Variants in CD151 observed in about 807,000 individuals in gnomAD.
CD151 encodes the protein CD151 molecule (Raph blood group).
Under a neutral mutation model 34.2 loss-of-function variants are expected in CD151, and 20 were observed. That is an observed-to-expected ratio of 0.58 (90% CI 0.41 to 0.85). CD151 has a LOEUF of 0.85. Among genes scored for constraint, CD151 ranks in the 40% least tolerant of loss-of-function variants. The probability of loss-of-function intolerance (pLI) is 0.00; values close to 1 mark genes in which losing one functional copy is unlikely to be tolerated. For synonymous variants in CD151, 157 were observed against 131.7 expected, an observed-to-expected ratio of 1.19 and a Z score of -1.32; for missense variants, 306 against 324.5, an observed-to-expected ratio of 0.94 and a Z score of 0.44.
chr11:833,828 G>T (rs28454516), intron 1 of CD151, among the ~76,000 whole-genome samples: 1 of 118,366 alleles, frequency 8.4e-6, no homozygotes, highest in Non-Finnish European at 1.8e-5. Context: ...CCCGCCCCCC[G>T]GTGGCAGACA....
chr11:836,847 A>G lies in CD151; in HGVS notation c.351+4A>G. 2 of 1,612,258 alleles carry G rather than the reference A, an allele frequency of 1.2e-6. No individual in the cohort carries two copies. The highest frequency in any genetic ancestry group is 1.7e-6 in the Non-Finnish European group (2 of 1,179,528). On this transcript the variant is annotated splice_donor_region_variant and intron_variant, in intron 5 of 8. Transcript: ENST00000397420. ...CGCCTACGCCTACTACCAGCAGGTG[A>G]GGGGCCTGGGCAGGCCATTCAGAGA...
intron 7 of CD151, 97 bp from the exon 8 acceptor site, chr11:837,845 A>G (rs887286741): frequency 2.0e-5 from 20 of 982,232 alleles, no homozygotes; most frequent in Admixed American, 4.4e-5. Flanking sequence ...CCTAGGTGCT[A>G]GGGGTGGGTT....
chr11:833,317 G>C (rs1222744019), intron 1 of CD151, among the ~76,000 whole-genome samples: 1 of 152,164 alleles, frequency 6.6e-6, no homozygotes, highest in Non-Finnish European at 1.5e-5. Flanking sequence ...CCGGCCTGAC[G>C]GCCCCCTTCA....
rs28475448 is a variant in CD151 at position 836,023 on chromosome 11, C to T, written c.-7-40C>T. ...CCTATCCGTCTCCCAGTCAGGGGCC[C>T]GGTGCTGTGGCCCCGCTGACCCCTC... On this transcript the variant is annotated intron_variant, in intron 2 of 8. Coordinates refer to ENST00000397420, the MANE Select transcript of CD151 (RefSeq NM_004357.5). 0.95 allele frequency: 1,147,424 copies of T among 1,205,144 alleles called. 546,414 individuals are homozygous for T. The highest frequency in any genetic ancestry group is 1 in the East Asian group (42,941 of 42,948). 74.7% of individuals were successfully genotyped at this position (1,205,144 alleles called of 1,614,324 possible).
intron 2 of CD151, 33 bp downstream of exon 2, chr11:834,624 G>C (rs146029346): frequency 6.6e-6 from 1 of 152,552 alleles, no homozygotes; most frequent in Non-Finnish European, 1.5e-5. Context: ...CAGAGCAGGC[G>C]GGGCGGCGAA....
intron 1 of CD151, among the ~76,000 whole-genome samples, chr11:833,519 G>GTCCCCCTGACTGGGGC (rs1846619553): frequency 6.6e-6 from 1 of 152,228 alleles, no homozygotes; most frequent in African/African-American, 2.4e-5. Context: ...GGAGTCCCAG[G>GTCCCCCTGACTGGGGC]TCCCCCTGAC....
chr11:838,226 C>T lies in CD151; in HGVS notation c.*34C>T, dbSNP rs772773681. 4 of 1,584,988 alleles carry T rather than the reference C, an allele frequency of 2.5e-6. No homozygotes were observed. Among genetic ancestry groups the T allele is most frequent in the South Asian group, 1.1e-5 (1 of 90,420 alleles). On this transcript the variant is annotated 3_prime_UTR_variant, in exon 9 of 9. Coordinates refer to ENST00000397420, the MANE Select transcript of CD151 (RefSeq NM_004357.5). The stretch of plus-strand genomic sequence containing the variant: ...TGGGCCTTGCTGCTGCTGCACCCAA[C>T]TACTGAGCTGAGACCACTGAGTACC...
At chr11:833,420 G>A (rs1405338212) in intron 1 of CD151, among the ~76,000 whole-genome samples, 2 of 152,224 alleles carry the variant, frequency 1.3e-5, no homozygotes, top group Non-Finnish European at 2.9e-5. Context: ...CCCCGCCCGC[G>A]TGCAAGTGGG....
rs1130719 is a variant in CD151, at chr11:838,760, T to A, written c.*568T>A. Reference sequence around the variant, plus strand: ...CGGGGCAGGGCCTTCCTGGTTTTGTTCACTGCTGTACCCAGATGCCTACAA... The same window carrying A: ...CGGGGCAGGGCCTTCCTGGTTTTGTACACTGCTGTACCCAGATGCCTACAA... On this transcript the variant is annotated 3_prime_UTR_variant, in exon 9 of 9. Coordinates refer to ENST00000397420, the MANE Select transcript of CD151 (RefSeq NM_004357.5). 0.65 allele frequency: 112,765 copies of A among 172,716 alleles called. 37,987 individuals carry two copies. Among genetic ancestry groups the A allele is most frequent in the East Asian group, 0.88 (5,477 of 6,250 alleles). The allele number at this position is 172,716 out of a possible 1,614,324, so 10.7% of individuals were successfully genotyped here.
At chr11:836,686 C>A in intron 4 of CD151, 83 bp from the exon 5 acceptor site, 1 of 1,362,376 alleles carries the variant, frequency 7.3e-7, no homozygotes, top group Non-Finnish European at 1.0e-6. Flanking sequence ...CCTGGGGAGC[C>A]GGGGTGGGGA....
At position 837,615 on chromosome 11, in the gene CD151, G is replaced by A. The variant is rs1170364994; in HGVS notation, c.612G>A (p.Val204=). Residue 204 remains valine (V), a synonymous_variant, in exon 7 of 9, where the codon GTG becomes GTA. Coordinates refer to ENST00000397420, the MANE Select transcript of CD151 (RefSeq NM_004357.5). ...ACCATGCCTCCAACATCTACAAGGT[G>A]GAGGTGGGTGTGCAGCGGGATCATG... ...QRDHASNIYK[V]EGGCITKLET... 3.1e-6 allele frequency: 5 copies of A among 1,611,766 alleles called. No homozygotes were observed. The Admixed American group carries it at 6.7e-5, about 21-fold the overall frequency.
chr11:834,042 G>A (rs1450423990), intron 1 of CD151: 1 of 152,182 alleles, frequency 6.6e-6, no homozygotes, highest in Non-Finnish European at 1.5e-5. Context: ...TGGAGCGAAG[G>A]CCAAGAGTGG....
intron 5 of CD151, 195 bp downstream of exon 5, chr11:837,038 A>G (rs1051248865): frequency 1.1e-5 from 7 of 657,636 alleles, no homozygotes; most frequent in African/African-American, 9.0e-5. Flanking sequence ...CAGGGGATCC[A>G]GAAGCTCTCT....
Position 835,844 on chromosome 11 carries a change from C to T in CD151, c.-7-219C>T, listed in dbSNP as rs35330086. 4.3e-3 allele frequency: 2,113 copies of T among 494,816 alleles called. 38 individuals carry two copies. The highest frequency in any genetic ancestry group is 0.034 in the African/African-American group (1,770 of 51,402). 30.7% of individuals were successfully genotyped at this position (494,816 alleles called of 1,614,324 possible). ...CTGGGACTACAGGCGCCCGCCACCACGCCCGGCTAATTTTTTGTATTTCTA... is the reference window on the plus strand; with the variant it reads ...CTGGGACTACAGGCGCCCGCCACCATGCCCGGCTAATTTTTTGTATTTCTA... On this transcript the variant is annotated intron_variant, in intron 2 of 8. Coordinates refer to ENST00000397420, the MANE Select transcript of CD151 (RefSeq NM_004357.5).
chr11:836,922 T>C, intron 5 of CD151, 79 bp downstream of exon 5: 1 of 1,260,944 alleles, frequency 7.9e-7, no homozygotes. Flanking sequence ...CACGCGTGGC[T>C]AGCCCCAACC....
chr11:837,101 A>G (rs1846804004), intron 5 of CD151, 149 bp from the exon 6 acceptor site: 17 of 693,188 alleles, frequency 2.5e-5, no homozygotes, highest in South Asian at 2.4e-4. Flanking sequence ...GCACCACCCA[A>G]CCTCCCCTCA....
In CD151 at chr11:837,916, C is replaced by T. The variant is rs768292922; in HGVS notation, c.616-26C>T. Reference sequence around the variant, plus strand: ...AGTGGGAGGTGCCCCCTGGGCCCGCCTTCAACACCCATCCGCGCCCCGCAG... The same window carrying T: ...AGTGGGAGGTGCCCCCTGGGCCCGCTTTCAACACCCATCCGCGCCCCGCAG... On this transcript the variant is annotated intron_variant, in intron 7 of 8. Transcript: ENST00000397420. 10 of 1,586,824 alleles carry T rather than the reference C, an allele frequency of 6.3e-6. No individual in the cohort carries two copies. In the South Asian group the frequency reaches 1.1e-4, roughly 18 times the overall value.
At chr11:835,789 G>T (rs889131272) in intron 2 of CD151, 18 of 377,298 alleles carry the variant, frequency 4.8e-5, no homozygotes, top group African/African-American at 4.1e-5. Context: ...CCGGGTTCAC[G>T]CCATTCTCCT....
intron 4 of CD151, 149 bp downstream of exon 4, chr11:836,591 G>A (rs777003760): frequency 8.4e-6 from 7 of 833,234 alleles, no homozygotes; most frequent in South Asian, 1.7e-5. Flanking sequence ...GGGTCCCCAC[G>A]TTCCTGCTGG....
Sources: gnomAD v4.1 joint callset for allele counts (sites outside exome capture counted in the v4.1 genomes callset) on GRCh38, gnomAD v4.1.1 for gene constraint, MANE v1.5 for transcripts, NCBI Gene and HGNC (gene_info 2026-07-23, HGNC 2026-07-21) for gene names.